Variants in SPEN observed in about 807,000 individuals in gnomAD.
SPEN encodes msx2-interacting protein.
SPEN carries 18 observed loss-of-function variants against 269.9 expected under a neutral mutation model. That is an observed-to-expected ratio of 0.07 (90% CI 0.05 to 0.10). SPEN has a LOEUF of 0.10. SPEN is among the 10% of genes least tolerant of loss of function. The pLI, the probability that SPEN is intolerant of heterozygous loss-of-function variation, is 1.00. For missense variants in SPEN, 3,822 were observed against 4,631.2 expected (o/e 0.83, Z 5.07); for synonymous variants, 1,726 against 1,765.7 (o/e 0.98, Z 0.56).
Position 15,876,261 on chromosome 1 carries a change from G to T in SPEN, c.464G>T (p.Gly155Val), listed in dbSNP as rs754990495. ...AGTGCCTATGGACACCATGAACGGG[G>T]GACGGGAGGATTTGATCGGACAAGA... ...EHSAYGHHER[G>V]TGGFDRTRHY... The change falls in exon 3 of 15, where the codon GGG becomes GTG. Residue 155 changes from glycine (G) to valine (V), a missense_variant. This residue lies in a region of SPEN where 327 missense variants were observed against 350.8 expected (regional missense o/e 0.93). Coordinates refer to ENST00000375759, the MANE Select transcript of SPEN (RefSeq NM_015001.3). The T allele has an allele frequency of 2.2e-5, 36 of 1,613,924 alleles. No individual in the cohort carries two copies. The highest frequency in any genetic ancestry group is 2.9e-5 in the Non-Finnish European group (34 of 1,180,034).
intron 10 of SPEN, among the ~76,000 whole-genome samples, chr1:15,924,193 G>A (rs2071145859): frequency 1.3e-5 from 2 of 152,188 alleles, no homozygotes; most frequent in Non-Finnish European, 1.5e-5. Flanking sequence ...GCAGGAGAAT[G>A]TGTGTGTCTC....
At position 15,919,031 on chromosome 1, in the gene SPEN, C is replaced by T; in HGVS notation, c.1501C>T (p.Leu501Phe). Residue 501 changes from leucine (L) to phenylalanine (F), a missense_variant, in exon 7 of 15, where the codon CTT (leucine) becomes TTT (phenylalanine). This residue lies in a region of SPEN where 230 missense variants were observed against 426.1 expected (regional missense o/e 0.54). Coordinates refer to ENST00000375759, the MANE Select transcript of SPEN (RefSeq NM_015001.3). ...KAIKKMDGEYLGNNRLKLGFG... is the reference protein window; with the variant it reads ...KAIKKMDGEYFGNNRLKLGFG... ...TATTAAGAAGATGGATGGGGAATAT[C>T]TTGGAAATAATCGCCTCAAGGTAAA... The T allele has an allele frequency of 1.2e-6, 2 of 1,611,634 alleles. No homozygotes were observed. The highest frequency in any genetic ancestry group is 1.1e-5 in the South Asian group (1 of 90,650).
Position 15,937,074 on chromosome 1 carries a change from T to G in SPEN, c.10027-89T>G, listed in dbSNP as rs988938545. On this transcript the variant is annotated intron_variant, in intron 11 of 14. Transcript: ENST00000375759. This position sits in a 1 kb window ranked among gnomAD's most constrained non-coding sequence, Gnocchi z 5.7. ...ACGGGAGATGCCACATCTTATCCTT[T>G]CCCTGTGGCCCTTTGGGTCATTTGT... is the stretch of plus-strand genomic sequence containing the variant. 25 of 1,515,794 alleles carry G rather than the reference T, an allele frequency of 1.6e-5. No homozygotes were observed. Among genetic ancestry groups the G allele is most frequent in the Non-Finnish European group, 2.2e-5 (25 of 1,124,436 alleles). The allele number at this position is 1,515,794 out of a possible 1,614,324, so 93.9% of individuals were successfully genotyped here.
intron 3 of SPEN, among the ~76,000 whole-genome samples, chr1:15,898,258 G>T (rs1335965621): frequency 6.7e-6 from 1 of 149,586 alleles, no homozygotes; most frequent in Non-Finnish European, 1.5e-5. Context: ...CAGTTCAGTG[G>T]CACTTAAATA....
At chr1:15,886,058 A>G (rs991739748) in intron 3 of SPEN, among the ~76,000 whole-genome samples, 1 of 152,208 alleles carries the variant, frequency 6.6e-6, no homozygotes, top group Non-Finnish European at 1.5e-5. Flanking sequence ...ACCTGTAAAT[A>G]GGTCTGTTTC....
At chr1:15,852,579 A>G (rs992822001) in intron 1 of SPEN, among the ~76,000 whole-genome samples, 2 of 152,126 alleles carry the variant, frequency 1.3e-5, no homozygotes, top group Non-Finnish European at 2.9e-5. Flanking sequence ...AGGAAGAATG[A>G]TAGTGTTTCG....
chr1:15,888,695 C>T (rs1039570271), intron 3 of SPEN, among the ~76,000 whole-genome samples: 9 of 149,512 alleles, frequency 6.0e-5, no homozygotes, highest in East Asian at 2.0e-4. Context: ...TACAATGGCG[C>T]GATCTCGGCT....
In SPEN at chr1:15,932,100, C is replaced by T. The variant is rs1570064397; in HGVS notation, c.5860C>T (p.Pro1954Ser). The T allele has an allele frequency of 1.2e-6, 2 of 1,613,876 alleles. No individual in the cohort carries two copies. The highest frequency in any genetic ancestry group is 3.3e-4 in the Middle Eastern group (2 of 6,060). Residue 1954 changes from proline (P) to serine (S), a missense_variant, in exon 11 of 15, where the codon CCA (proline) becomes TCA (serine). This residue lies in a region of SPEN where 533 missense variants were observed against 618.8 expected (regional missense o/e 0.86). Coordinates refer to ENST00000375759, the MANE Select transcript of SPEN (RefSeq NM_015001.3). This position sits in a 1 kb window ranked among gnomAD's most constrained non-coding sequence, Gnocchi z 4.2. The part of the protein sequence containing the change: ...VPTTPRRGRP[P>S]KTRRRADEEE... Reference sequence around the variant, plus strand: ...CACCACCCCTCGGAGGGGAAGGCCTCCAAAGACACGCCGGCGAGCCGATGA... The same window carrying T: ...CACCACCCCTCGGAGGGGAAGGCCTTCAAAGACACGCCGGCGAGCCGATGA...
intron 1 of SPEN, among the ~76,000 whole-genome samples, chr1:15,865,427 T>TG (rs1356935362): frequency 6.7e-6 from 1 of 150,164 alleles, no homozygotes; most frequent in African/African-American, 2.5e-5. Flanking sequence ...CCTGTTTTTT[T>TG]TTTTTTTTTT....
intron 3 of SPEN, among the ~76,000 whole-genome samples, chr1:15,895,678 CTTTTTTTTTT>C (rs746305617): frequency 7.7e-6 from 1 of 129,690 alleles, no homozygotes; most frequent in African/African-American, 3.0e-5. Flanking sequence ...TATACTTAAC[CTTTTTTTTTT>C]TTTTTTTTTG....
At position 15,933,308 on chromosome 1, in the gene SPEN, C is replaced by T; in HGVS notation, c.7068C>T (p.Val2356=). The change falls in exon 11 of 15, where the codon GTC becomes GTT. Residue 2356 remains valine (V), a synonymous_variant. Coordinates refer to ENST00000375759, the MANE Select transcript of SPEN (RefSeq NM_015001.3). The surrounding 1 kb of genome is among the most constrained non-coding windows in gnomAD (Gnocchi z 5.7). The part of the protein sequence containing the change: ...KKVVAPVESH[V]PESNQAQGES... ...TGGTGGCTCCTGTAGAGAGCCATGT[C>T]CCTGAATCCAACCAAGCTCAAGGTG... 1 of 1,614,094 alleles carries T rather than the reference C, an allele frequency of 6.2e-7. No individual in the cohort carries two copies. Among genetic ancestry groups the T allele is most frequent in the South Asian group, 1.1e-5 (1 of 91,082 alleles).
At chr1:15,856,866 C>T (rs968357604) in intron 1 of SPEN, among the ~76,000 whole-genome samples, 2 of 151,880 alleles carry the variant, frequency 1.3e-5, no homozygotes, top group African/African-American at 2.4e-5. Context: ...CTGCGCCTGG[C>T]CTAGATACTT....
rs185269022 is a variant in SPEN at position 15,896,399 on chromosome 1, T to C, written c.882-12922T>C. Among the ~76,000 whole-genome samples the C allele has an allele frequency of 8.4e-4, 127 of 151,998 alleles. 1 individual carries two copies. Among genetic ancestry groups the C allele is most frequent in the African/African-American group, 2.9e-3 (122 of 41,472 alleles). ...TTTGTAGAGACGTGGTTTCACTATA[T>C]TGGTCAGGCTGGTCTCAAACTCCTG... On this transcript the variant is annotated intron_variant, in intron 3 of 14. Coordinates refer to ENST00000375759, the MANE Select transcript of SPEN (RefSeq NM_015001.3).
chr1:15,872,330 T>C (rs1027612239), intron 1 of SPEN, among the ~76,000 whole-genome samples: 9 of 151,776 alleles, frequency 5.9e-5, no homozygotes, highest in South Asian at 4.2e-4. Flanking sequence ...CGGTGGCTCA[T>C]GCCTGTAATC....
chr1:15,911,351 G>T, intron 5 of SPEN, 50 bp downstream of exon 5: 3 of 1,488,680 alleles, frequency 2.0e-6, no homozygotes, highest in Non-Finnish European at 2.8e-6. Context: ...CACACTGTTT[G>T]TGTTGCAGTG....
intron 2 of SPEN, 110 bp downstream of exon 2, chr1:15,873,246 T>C: frequency 7.0e-7 from 1 of 1,419,970 alleles, no homozygotes; most frequent in Non-Finnish European, 9.2e-7. Context: ...ATTCTCAATG[T>C]TTCCTATTTT....
At position 15,932,530 on chromosome 1, in the gene SPEN, A is replaced by G. The variant is rs1277147594; in HGVS notation, c.6290A>G (p.Asp2097Gly). Residue 2097 changes from aspartate to glycine, a missense_variant, in exon 11 of 15, where the codon GAT (aspartate) becomes GGT (glycine). Physicochemically the swap from Asp to Gly is moderately conservative, Grantham distance 94. Transcript: ENST00000375759. The surrounding 1 kb of genome is among the most constrained non-coding windows in gnomAD (Gnocchi z 4.2). ...AAATCTGCAAGTCTGAAAAATGTGGATGCTGCTGTCAGTCCCAGGGGGGCT... is the reference window on the plus strand; with the variant it reads ...AAATCTGCAAGTCTGAAAAATGTGGGTGCTGCTGTCAGTCCCAGGGGGGCT... ...VDKSASLKNV[D>G]AAVSPRGAAA... 1.9e-6 allele frequency: 3 copies of G among 1,599,966 alleles called. No homozygotes were observed. In the Admixed American group the frequency reaches 5.1e-5, roughly 27 times the overall value.
Position 15,928,808 on chromosome 1 carries a change from A to T in SPEN, c.2568A>T (p.Lys856Asn). ...CTGAAAAGCCCAGGAGTTGTAATAA[A>T]CTGAGCAGAGAGAAAGCTGACAAAG... ...QSPEKPRSCNKLSREKADKEG... is the reference protein window; with the variant it reads ...QSPEKPRSCNNLSREKADKEG... Residue 856 changes from lysine (K) to asparagine (N), a missense_variant, in exon 11 of 15, where the codon AAA becomes AAT. This residue lies in a region of SPEN where 572 missense variants were observed against 582.6 expected (regional missense o/e 0.98). Coordinates refer to ENST00000375759, the MANE Select transcript of SPEN (RefSeq NM_015001.3). This position sits in a 1 kb window ranked among gnomAD's most constrained non-coding sequence, Gnocchi z 5.7. The T allele has an allele frequency of 6.2e-7, 1 of 1,614,156 alleles. No homozygotes were observed. Among genetic ancestry groups the T allele is most frequent in the Non-Finnish European group, 8.5e-7 (1 of 1,180,024 alleles).
chr1:15,856,363 A>C (rs2070386858), intron 1 of SPEN, among the ~76,000 whole-genome samples: 1 of 151,810 alleles, frequency 6.6e-6, no homozygotes, highest in African/African-American at 2.4e-5. Flanking sequence ...GTGGGAAAAT[A>C]CCTCTTTATT....
Sources: allele counts gnomAD v4.1 joint callset (sites outside exome capture counted in the v4.1 genomes callset), GRCh38; gene constraint gnomAD v4.1.1; regional missense constraint gnomAD v4.1.1; non-coding constraint Gnocchi (gnomAD v3.1); transcripts MANE v1.5; gene names NCBI Gene and HGNC (gene_info 2026-07-23, HGNC 2026-07-21).